Variants in HOOK2 observed in about 807,000 individuals in gnomAD.
HOOK2 encodes the protein protein Hook homolog 2.
Under a neutral mutation model 111.9 loss-of-function variants are expected in HOOK2, and 108 were observed. The ratio of observed to expected loss-of-function variants is 0.96; its 90% CI spans 0.83 to 1.13. The LOEUF (loss-of-function observed/expected upper bound fraction) is 1.13. Among genes scored for constraint, HOOK2 ranks in the 50% most tolerant of loss-of-function variants. The pLI is 0.00. For missense variants in HOOK2, 978 were observed against 951.3 expected (o/e 1.03, Z -0.37); for synonymous variants, 405 against 394.3 (o/e 1.03, Z -0.32).
intron 3 of HOOK2, chr19:12,774,340 A>G (rs1478705121): frequency 1.6e-5 from 6 of 380,718 alleles, no homozygotes; most frequent in Non-Finnish European, 2.0e-5. Context: ...TCCTGGCCCC[A>G]GGTGATCCAC....
upstream of HOOK2, among the ~76,000 whole-genome samples, chr19:12,782,165 G>A (rs560657955): frequency 1.3e-5 from 2 of 152,320 alleles, no homozygotes; most frequent in Admixed American, 6.5e-5. Context: ...CTATTTTGCT[G>A]GATGGGGTTG....
intron 18 of HOOK2, 164 bp from the exon 19 acceptor site, chr19:12,765,245 G>A (rs912563292): frequency 7.7e-5 from 52 of 678,116 alleles, no homozygotes; most frequent in South Asian, 2.7e-4. Flanking sequence ...TGGTCCCACC[G>A]GCTCCACAGC....
Position 12,763,445 on chromosome 19 carries a change from T to C in HOOK2, c.2011-14A>G. ...CAAGGCCATGCCCTTCAGGAGGAGG[T>C]GTGGTTGGGGTCAGGTGAGCTCACA... On this transcript the variant is annotated splice_polypyrimidine_tract_variant and intron_variant, in intron 22 of 22. Coordinates refer to ENST00000397668, the MANE Select transcript of HOOK2 (RefSeq NM_013312.3). 1 of 1,613,496 alleles carries C rather than the reference T, an allele frequency of 6.2e-7. No homozygotes were observed. The highest frequency in any genetic ancestry group is 8.5e-7 in the Non-Finnish European group (1 of 1,179,698).
At position 12,790,322 on chromosome 19, in the gene HOOK2, G is replaced by A. The variant is rs934367334; in HGVS notation, n.42-16097C>T. Among the ~76,000 whole-genome samples the A allele has an allele frequency of 6.6e-6, 1 of 152,176 alleles. No individual in the cohort carries two copies. Among genetic ancestry groups the A allele is most frequent in the Non-Finnish European group, 1.5e-5 (1 of 68,024 alleles). On this transcript the variant is annotated intron_variant and non_coding_transcript_variant, in intron 3 of 3. Transcript: ENST00000589765. The surrounding 1 kb of genome is among the most constrained non-coding windows in gnomAD (Gnocchi z 7.2). ...ACAGGGCCGGGCTCCTTCCCCCGGG[G>A]CTGTTGCCACACTTCCTGCCTCTGC...
rs1359993414 is a variant in HOOK2 at position 12,790,932 on chromosome 19, CTCCG to C, written n.42-16711_42-16708del. 2.6e-5 allele frequency among the ~76,000 whole-genome samples: 4 copies of C among 152,166 alleles called. No homozygotes were observed. Among genetic ancestry groups the C allele is most frequent in the African/African-American group, 9.7e-5 (4 of 41,426 alleles). ...CTCACCCCTTTTGATCTCTCCCCTCCTCCGTCCTGTGAAAATTCCAGTCCCGCAT... is the reference window on the plus strand; with the variant it reads ...CTCACCCCTTTTGATCTCTCCCCTCCTCCTGTGAAAATTCCAGTCCCGCAT... On this transcript the variant is annotated intron_variant and non_coding_transcript_variant, in intron 3 of 3. Coordinates refer to the HOOK2 transcript ENST00000589765. The surrounding 1 kb of genome is among the most constrained non-coding windows in gnomAD (Gnocchi z 7.2).
At chr19:12,779,869 GC>G (rs369155801), upstream of HOOK2, among the ~76,000 whole-genome samples, 41 of 152,310 alleles carry the variant, frequency 2.7e-4, no homozygotes, top group African/African-American at 8.9e-4. Flanking sequence ...CCAGGTTGGG[GC>G]CGGGCTTGGT....
intron 14 of HOOK2, among the ~76,000 whole-genome samples, chr19:12,767,025 T>G (rs757767323): frequency 6.6e-6 from 1 of 152,170 alleles, no homozygotes; most frequent in Non-Finnish European, 1.5e-5. Flanking sequence ...CCACCGTGCC[T>G]GGCCCGGGGT....
At chr19:12,771,779 G>A (rs1215855286) in intron 7 of HOOK2, 4 of 410,908 alleles carry the variant, frequency 9.7e-6, no homozygotes, top group Non-Finnish European at 1.8e-5. Context: ...CTACTCGGGA[G>A]GCTGAGGCAG....
At chr19:12,783,419 C>G, upstream of HOOK2, among the ~76,000 whole-genome samples, 1 of 150,684 alleles carries the variant, frequency 6.6e-6, no homozygotes, top group Non-Finnish European at 1.5e-5. Flanking sequence ...TTGGCAGAGC[C>G]CGTCGCGGCG....
intron 3 of HOOK2, among the ~76,000 whole-genome samples, chr19:12,789,181 GAGAGAGAGAGACAA>G (rs984211865): frequency 1.3e-5 from 2 of 149,712 alleles, no homozygotes; most frequent in Non-Finnish European, 2.9e-5. Flanking sequence ...AGCTGAGAGA[GAGAGAGAGAGACAA>G]AGAGAGAGAG....
chr19:12,791,555 G>A lies in HOOK2; in HGVS notation n.42-17330C>T, dbSNP rs186033622. On this transcript the variant is annotated intron_variant and non_coding_transcript_variant, in intron 3 of 3. Transcript: ENST00000589765. The surrounding 1 kb of genome is among the most constrained non-coding windows in gnomAD (Gnocchi z 7.0). Reference sequence around the variant, plus strand: ...CTGGGAGCTGGGGGAAACGACGCCAGGAAAGCTATCGCGCCAGAGAGGGCG... The same window carrying A: ...CTGGGAGCTGGGGGAAACGACGCCAAGAAAGCTATCGCGCCAGAGAGGGCG... The A allele has an allele frequency of 1.4e-5, 7 of 496,896 alleles. No individual in the cohort carries two copies. The Admixed American group carries it at 2.3e-4, about 16-fold the overall frequency. 30.8% of individuals were successfully genotyped at this position (496,896 alleles called of 1,614,324 possible).
intron 3 of HOOK2, chr19:12,792,312 G>A (rs1290476249): frequency 6.6e-7 from 1 of 1,512,416 alleles, no homozygotes; most frequent in Non-Finnish European, 8.9e-7. Flanking sequence ...GCCACCTCCC[G>A]TTTACACCAA....
chr19:12,772,189 C>T lies in HOOK2; in HGVS notation c.519+1G>A. 1 of 1,610,118 alleles carries T rather than the reference C, an allele frequency of 6.2e-7. No individual in the cohort carries two copies. Among genetic ancestry groups the T allele is most frequent in the Non-Finnish European group, 8.5e-7 (1 of 1,176,318 alleles). On this transcript the variant is annotated splice_donor_variant, in intron 7 of 22. Coordinates refer to ENST00000397668, the MANE Select transcript of HOOK2 (RefSeq NM_013312.3). LOFTEE classifies it high-confidence loss of function. ...GAACACCTTTCCCCCAAATCTCTTA[C>T]CTGGCTGTCAAAGTTGCCATACGTC...
rs1170919850 is a variant in HOOK2, at chr19:12,771,082, T to C, written c.762-10A>G. 1.2e-6 allele frequency: 2 copies of C among 1,612,060 alleles called. No individual in the cohort carries two copies. Among genetic ancestry groups the C allele is most frequent in the Non-Finnish European group, 1.7e-6 (2 of 1,178,564 alleles). Reference sequence around the variant, plus strand: ...CCTGCCACTCTCCAGCCTGGGGGTGTTGGGGGAAGAGCACATGAGGGGGCT... The same window carrying C: ...CCTGCCACTCTCCAGCCTGGGGGTGCTGGGGGAAGAGCACATGAGGGGGCT... On this transcript the variant is annotated splice_polypyrimidine_tract_variant and intron_variant, in intron 9 of 22. Coordinates refer to ENST00000397668, the MANE Select transcript of HOOK2 (RefSeq NM_013312.3).
intron 3 of HOOK2, among the ~76,000 whole-genome samples, chr19:12,789,821 G>C (rs1968689407): frequency 6.6e-6 from 1 of 151,702 alleles, no homozygotes; most frequent in Non-Finnish European, 1.5e-5. Flanking sequence ...CCCCGGGGGC[G>C]GCGGTCGGGG....
At chr19:12,766,377 G>A (rs1599476781) in intron 14 of HOOK2, 137 bp from the exon 15 acceptor site, 1 of 1,115,518 alleles carries the variant, frequency 9.0e-7, no homozygotes, top group Non-Finnish European at 1.2e-6. Flanking sequence ...GGAGCACCGA[G>A]GACCTACTAC....
At chr19:12,764,609 T>C (rs867956451) in intron 20 of HOOK2, 1 of 595,750 alleles carries the variant, frequency 1.7e-6, no homozygotes, top group Non-Finnish European at 3.0e-6. Flanking sequence ...ATTACAGCCA[T>C]GAGCCACGGC....
chr19:12,783,312 C>A (rs909616706), upstream of HOOK2, among the ~76,000 whole-genome samples: 1 of 150,950 alleles, frequency 6.6e-6, no homozygotes, highest in East Asian at 1.9e-4. Context: ...AGGCGCCCCC[C>A]CCAACTCCGC....
chr19:12,781,760 C>T (rs192584423), upstream of HOOK2, among the ~76,000 whole-genome samples: 1 of 152,192 alleles, frequency 6.6e-6, no homozygotes, highest in African/African-American at 2.4e-5. Flanking sequence ...TATCTCTGTG[C>T]CACCACAATC....
Sources: gnomAD v4.1 joint callset for allele counts (sites outside exome capture counted in the v4.1 genomes callset) on GRCh38, gnomAD v4.1.1 for gene constraint, Gnocchi (gnomAD v3.1) non-coding constraint, MANE v1.5 for transcripts, NCBI Gene and HGNC (gene_info 2026-07-23, HGNC 2026-07-21) for gene names.